Variants in RARB observed in about 807,000 individuals in gnomAD.
The protein encoded by RARB is HBV-activated protein.
Under a neutral mutation model 51.9 loss-of-function variants are expected in RARB, and 17 were observed. That is an observed-to-expected ratio of 0.33 (90% CI 0.22 to 0.49). The LOEUF (loss-of-function observed/expected upper bound fraction) is 0.49. RARB is among the 20% of genes least tolerant of loss of function. The probability of loss-of-function intolerance (pLI) is 0.99; values close to 1 mark genes in which losing one functional copy is unlikely to be tolerated. For missense variants in RARB, 369 were observed against 550.8 expected (o/e 0.67, Z 3.30); for synonymous variants, 215 against 195.4 (o/e 1.10, Z -0.84).
chr3:25,577,013 C>T (rs1700964572), intron 4 of RARB, among the ~76,000 whole-genome samples: 1 of 152,206 alleles, frequency 6.6e-6, no homozygotes, highest in South Asian at 2.1e-4. Context: ...TTGTAGCCAC[C>T]TGATGGAAGC....
rs527321818 is a variant in RARB, at chr3:24,905,720, T to C, written c.-380+46968T>C. 1.5e-4 allele frequency among the ~76,000 whole-genome samples: 23 copies of C among 152,362 alleles called. No homozygotes were observed. In the South Asian group the frequency reaches 4.8e-3, roughly 32 times the overall value. On this transcript the variant is annotated intron_variant, in intron 2 of 11. Coordinates refer to the RARB transcript ENST00000383772. The stretch of plus-strand genomic sequence containing the variant: ...ACAAAATAATGAGGAAGGGTAATTA[T>C]AGATATAACTGGGGCCTGGGCCTTT...
chr3:25,383,636 G>A (rs1015243711), intron 5 of RARB, among the ~76,000 whole-genome samples: 3 of 152,264 alleles, frequency 2.0e-5, no homozygotes, highest in African/African-American at 7.2e-5. Flanking sequence ...TTTAAATTAA[G>A]TTTTTAATTG....
chr3:25,186,657 A>G lies in RARB; in HGVS notation c.178+12082A>G, dbSNP rs970609240. Among the ~76,000 whole-genome samples, 4 of 152,130 alleles carry G rather than the reference A, an allele frequency of 2.6e-5. No homozygotes were observed. The East Asian group carries it at 5.8e-4, about 22-fold the overall frequency. ...ATAGAAAGATAATGAATGGAAATGA[A>G]TGAAATGATAATGAATGAAAAACTC... is the stretch of plus-strand genomic sequence containing the variant. On this transcript the variant is annotated intron_variant, in intron 5 of 11. Transcript: ENST00000383772.
chr3:25,158,939 G>C (rs1180776788), intron 4 of RARB, among the ~76,000 whole-genome samples: 1 of 152,038 alleles, frequency 6.6e-6, no homozygotes, highest in Non-Finnish European at 1.5e-5. Flanking sequence ...GGCGATTTGG[G>C]GGACTAGGCC....
chr3:25,546,292 G>A (rs1030129602), intron 3 of RARB, among the ~76,000 whole-genome samples: 1 of 152,204 alleles, frequency 6.6e-6, no homozygotes, highest in South Asian at 2.1e-4. Context: ...GCTGTTTTGC[G>A]CAGAAGAGTG....
chr3:25,121,625 T>C (rs911631834), intron 3 of RARB, among the ~76,000 whole-genome samples: 1 of 152,180 alleles, frequency 6.6e-6, no homozygotes, highest in Non-Finnish European at 1.5e-5. Flanking sequence ...AAGGGTAGTT[T>C]GCAAAGAATA....
At chr3:25,335,906 A>G (rs1705047721) in intron 5 of RARB, among the ~76,000 whole-genome samples, 1 of 152,246 alleles carries the variant, frequency 6.6e-6, no homozygotes, top group Non-Finnish European at 1.5e-5. Context: ...ATAGCCATAC[A>G]TAAACTTTCA....
chr3:25,097,230 G>A (rs758716698), intron 3 of RARB, among the ~76,000 whole-genome samples: 5 of 152,088 alleles, frequency 3.3e-5, no homozygotes, highest in Non-Finnish European at 7.4e-5. Flanking sequence ...GCACTGGACC[G>A]CTTCTTGGAG....
At chr3:25,306,968 C>A (rs17580540) in intron 5 of RARB, among the ~76,000 whole-genome samples, 2 of 152,056 alleles carry the variant, frequency 1.3e-5, no homozygotes. Context: ...ATTAAGCTCC[C>A]CACGCTAAGA....
At chr3:25,266,611 T>A (rs1703132321) in intron 5 of RARB, among the ~76,000 whole-genome samples, 1 of 152,232 alleles carries the variant, frequency 6.6e-6, no homozygotes, top group Admixed American at 6.5e-5. Context: ...GGCTATGGAT[T>A]CAACCGTGTC....
intron 1 of RARB, among the ~76,000 whole-genome samples, chr3:25,440,542 G>T (rs1217686737): frequency 6.6e-6 from 1 of 152,092 alleles, no homozygotes; most frequent in African/African-American, 2.4e-5. Flanking sequence ...GGAGGCCGAG[G>T]CAGGTGGATC....
intron 2 of RARB, among the ~76,000 whole-genome samples, chr3:24,860,011 A>G (rs536021906): frequency 1.3e-5 from 2 of 152,332 alleles, no homozygotes; most frequent in Non-Finnish European, 2.9e-5. Context: ...TACAGTTTGT[A>G]GTTTGCTGAC....
At chr3:25,449,756 CT>C (rs11333842) in intron 1 of RARB, among the ~76,000 whole-genome samples, 79,254 of 146,574 alleles carry the variant, frequency 0.54, 21,583 homozygotes, top group East Asian at 0.81. Flanking sequence ...TTCTCTCTCT[CT>C]TTTTTTTTTT....
chr3:25,516,025 G>A (rs1153591), intron 3 of RARB, among the ~76,000 whole-genome samples: 32,358 of 152,026 alleles, frequency 0.21, 4,348 homozygotes, highest in African/African-American at 0.37. Flanking sequence ...TAACATCTTG[G>A]CATTTTGCCT....
At chr3:25,131,424 T>C (rs1421217651) in intron 3 of RARB, among the ~76,000 whole-genome samples, 1 of 152,002 alleles carries the variant, frequency 6.6e-6, no homozygotes, top group Non-Finnish European at 1.5e-5. Context: ...TTTTTAAACA[T>C]TTTGATCAGA....
At chr3:24,832,148 G>T (rs1240914161) in intron 1 of RARB, among the ~76,000 whole-genome samples, 2 of 152,114 alleles carry the variant, frequency 1.3e-5, no homozygotes, top group African/African-American at 4.8e-5. Flanking sequence ...CTTTAAAAAG[G>T]CTCTAAAGTA....
chr3:25,120,932 G>A (rs1699774533), intron 3 of RARB, among the ~76,000 whole-genome samples: 1 of 152,160 alleles, frequency 6.6e-6, no homozygotes, highest in Non-Finnish European at 1.5e-5. Context: ...AGTCGCTACA[G>A]AGATCCTGTG....
At chr3:24,915,730 T>C (rs1695094276) in intron 2 of RARB, among the ~76,000 whole-genome samples, 1 of 152,160 alleles carries the variant, frequency 6.6e-6, no homozygotes, top group Non-Finnish European at 1.5e-5. Flanking sequence ...TGAGGTGACT[T>C]TTAGCCATGG....
intron 5 of RARB, among the ~76,000 whole-genome samples, chr3:25,362,365 A>G (rs1267609901): frequency 1.3e-5 from 2 of 152,176 alleles, no homozygotes; most frequent in African/African-American, 2.4e-5. Flanking sequence ...TCCCAGGTCA[A>G]CTTCAGACTG....
Sources: allele counts gnomAD v4.1 joint callset (sites outside exome capture counted in the v4.1 genomes callset), GRCh38; gene constraint gnomAD v4.1.1; transcripts MANE v1.5; gene names NCBI Gene and HGNC (gene_info 2026-07-23, HGNC 2026-07-21).